Variants in KSR2 observed in about 807,000 individuals in gnomAD.
KSR2 encodes kinase suppressor of ras 2.
In KSR2, 25 loss-of-function variants were observed where a neutral mutation model predicts 107.8. That is an observed-to-expected ratio of 0.23 (90% CI 0.17 to 0.32). The LOEUF (loss-of-function observed/expected upper bound fraction) is 0.32, where lower values mean the gene tolerates loss of function less well. KSR2 is among the 10% of genes least tolerant of loss of function. The probability of loss-of-function intolerance (pLI) is 1.00; values close to 1 mark genes in which losing one functional copy is unlikely to be tolerated. For missense variants in KSR2, 887 were observed against 1,268.9 expected (o/e 0.70, Z 4.57); for synonymous variants, 480 against 507.0 (o/e 0.95, Z 0.71).
At chr12:117,592,145 T>TCTCA (rs1024733620) in intron 5 of KSR2, among the ~76,000 whole-genome samples, 5 of 149,356 alleles carry the variant, frequency 3.3e-5, no homozygotes, top group African/African-American at 1.2e-4. Context: ...TTAGATGGAG[T>TCTCA]CTCACTCACC....
intron 1 of KSR2, among the ~76,000 whole-genome samples, chr12:117,864,705 C>T (rs1441176431): frequency 6.6e-6 from 1 of 152,198 alleles, no homozygotes; most frequent in African/African-American, 2.4e-5. Context: ...CTGAGAATCC[C>T]GTGGCTTGTG....
chr12:117,476,593 C>T lies in KSR2; in HGVS notation c.2453G>A (p.Arg818Gln), dbSNP rs568149754. The T allele has an allele frequency of 9.7e-5, 156 of 1,609,690 alleles. 2 individuals are homozygous for T. Among genetic ancestry groups the T allele is most frequent in the South Asian group, 7.2e-4 (65 of 89,722 alleles). Residue 818 changes from arginine (R) to glutamine (Q), a missense_variant and splice_region_variant, in exon 17 of 20, where the codon CGG (arginine) becomes CAG (glutamine). Arg to Gln is a conservative substitution (Grantham distance 43). Coordinates refer to ENST00000339824, the MANE Select transcript of KSR2 (RefSeq NM_173598.6). ...ATTCTGGATGCGCAGTTTGTCCTCCCGCCTGGAGAAGCAAAGCACAGGATG... is the reference window on the plus strand; with the variant it reads ...ATTCTGGATGCGCAGTTTGTCCTCCTGCCTGGAGAAGCAAAGCACAGGATG... ...SISGVLQAGRREDKLRIQNGW... is the reference protein window; with the variant it reads ...SISGVLQAGRQEDKLRIQNGW...
intron 2 of KSR2, among the ~76,000 whole-genome samples, chr12:117,858,272 T>C (rs1782327222): frequency 6.6e-6 from 1 of 152,150 alleles, no homozygotes; most frequent in South Asian, 2.1e-4. Flanking sequence ...TGGCACTTGA[T>C]ATATAAATGA....
intron 4 of KSR2, among the ~76,000 whole-genome samples, chr12:117,760,729 T>G (rs1199481750): frequency 6.6e-6 from 1 of 152,250 alleles, no homozygotes; most frequent in Non-Finnish European, 1.5e-5. Flanking sequence ...GGAATGATCA[T>G]GGGCGTGTTC....
chr12:117,602,283 C>G (rs771083093), intron 5 of KSR2, among the ~76,000 whole-genome samples: 16 of 152,150 alleles, frequency 1.1e-4, no homozygotes, highest in Non-Finnish European at 2.1e-4. Flanking sequence ...GATTCCATTG[C>G]CTTTAACACG....
At chr12:117,955,026 A>G (rs1160349601) in intron 1 of KSR2, among the ~76,000 whole-genome samples, 1 of 152,096 alleles carries the variant, frequency 6.6e-6, no homozygotes, top group Admixed American at 6.6e-5. Flanking sequence ...CAAAAAAAAA[A>G]AAAAAAATTT....
chr12:117,920,063 G>T (rs2137456874), intron 1 of KSR2, among the ~76,000 whole-genome samples: 1 of 152,184 alleles, frequency 6.6e-6, no homozygotes, highest in South Asian at 2.1e-4. Context: ...AAAATTAAAG[G>T]AATAGGCTGG....
intron 1 of KSR2, among the ~76,000 whole-genome samples, chr12:117,864,439 T>C (rs1033405250): frequency 6.6e-6 from 1 of 152,178 alleles, no homozygotes; most frequent in Non-Finnish European, 1.5e-5. Context: ...CATACATGCA[T>C]TGCGCACACA....
chr12:117,510,189 A>G (rs1873939951), intron 14 of KSR2, among the ~76,000 whole-genome samples: 3 of 152,248 alleles, frequency 2.0e-5, no homozygotes, highest in Admixed American at 2.0e-4. Flanking sequence ...CAATACCAAA[A>G]GCACCAAGCC....
At chr12:117,615,092 GTC>G (rs1881800298) in intron 5 of KSR2, among the ~76,000 whole-genome samples, 7 of 151,942 alleles carry the variant, frequency 4.6e-5, no homozygotes, top group Admixed American at 4.6e-4. Flanking sequence ...GTGTTCTCCT[GTC>G]TAGTCTACCC....
chr12:117,474,606 G>C (rs1336340063), intron 17 of KSR2, among the ~76,000 whole-genome samples: 1 of 152,134 alleles, frequency 6.6e-6, no homozygotes, highest in Non-Finnish European at 1.5e-5. Context: ...GCAAGGATTT[G>C]CATGGCCATG....
intron 4 of KSR2, among the ~76,000 whole-genome samples, chr12:117,737,644 A>C (rs997309048): frequency 1.3e-5 from 2 of 152,032 alleles, no homozygotes; most frequent in Non-Finnish European, 2.9e-5. Context: ...TCAGCCGGGC[A>C]TGGTGGTACA....
chr12:117,550,775 A>G (rs979184035), intron 9 of KSR2, among the ~76,000 whole-genome samples: 15 of 152,196 alleles, frequency 9.9e-5, no homozygotes, highest in African/African-American at 3.4e-4. Context: ...ACAACACATC[A>G]GAGCAGACCC....
intron 1 of KSR2, among the ~76,000 whole-genome samples, chr12:117,895,086 C>G (rs1458969054): frequency 6.6e-6 from 1 of 151,686 alleles, no homozygotes; most frequent in Non-Finnish European, 1.5e-5. Flanking sequence ...AAAAAATTAG[C>G]CAGGTGTGGT....
chr12:117,922,118 G>A (rs912528073), intron 1 of KSR2, among the ~76,000 whole-genome samples: 6 of 152,278 alleles, frequency 3.9e-5, no homozygotes, highest in Admixed American at 1.3e-4. Context: ...CTCTGCAGGC[G>A]TGTTGATGCG....
At chr12:117,639,636 T>C (rs985038536) in intron 5 of KSR2, among the ~76,000 whole-genome samples, 3 of 135,848 alleles carry the variant, frequency 2.2e-5, no homozygotes, top group African/African-American at 5.5e-5. Context: ...AGCGTATTAT[T>C]ATTATTATTA....
intron 5 of KSR2, among the ~76,000 whole-genome samples, chr12:117,619,628 C>T (rs1882070092): frequency 6.6e-6 from 1 of 150,932 alleles, no homozygotes; most frequent in Non-Finnish European, 1.5e-5. Flanking sequence ...ACATTTGGGA[C>T]ATACTGTATA....
At chr12:117,558,606 G>C (rs1166941394) in intron 7 of KSR2, 33 bp from the exon 8 acceptor site, 1 of 1,571,724 alleles carries the variant, frequency 6.4e-7, no homozygotes, top group Non-Finnish European at 8.8e-7. Context: ...AAGATGGATA[G>C]GTGAATGGCT....
At chr12:117,937,920 GAC>G (rs199568053) in intron 1 of KSR2, among the ~76,000 whole-genome samples, 2,831 of 140,508 alleles carry the variant, frequency 0.02, 42 homozygotes, top group Middle Eastern at 0.06. Context: ...AGTGAGCCAA[GAC>G]AGTGCCACTG....
Sources: allele counts gnomAD v4.1 joint callset (sites outside exome capture counted in the v4.1 genomes callset), GRCh38; gene constraint gnomAD v4.1.1; transcripts MANE v1.5; gene names NCBI Gene and HGNC (gene_info 2026-07-23, HGNC 2026-07-21).